Variants in POU2F1 observed in about 807,000 individuals in gnomAD.
POU2F1 encodes POU class 2 homeobox 1, also known as POU domain, class 2, transcription factor 1.
Under a neutral mutation model 84.9 loss-of-function variants are expected in POU2F1, and 16 were observed. The observed-to-expected ratio is 0.19, with a 90% CI of 0.13 to 0.29. POU2F1 has a LOEUF of 0.29. Ranked by LOEUF, POU2F1 falls within the 10% of genes least tolerant of loss-of-function variation. The pLI, the probability that POU2F1 is intolerant of heterozygous loss-of-function variation, is 1.00. For missense variants in POU2F1, 738 were observed against 942.6 expected (o/e 0.78, Z 2.84); for synonymous variants, 368 against 368.3 (o/e 1.00, Z 0.01).
At chr1:167,360,406 C>A (rs889833016) in intron 2 of POU2F1, among the ~76,000 whole-genome samples, 4 of 152,152 alleles carry the variant, frequency 2.6e-5, no homozygotes, top group African/African-American at 9.7e-5. Flanking sequence ...CAGTTTCATT[C>A]TTCTGCATAT....
intron 2 of POU2F1, among the ~76,000 whole-genome samples, chr1:167,353,824 A>T (rs1471810114): frequency 6.6e-6 from 1 of 152,216 alleles, no homozygotes; most frequent in Non-Finnish European, 1.5e-5. Flanking sequence ...ATAAAGTAGA[A>T]TGTTACCATT....
At chr1:167,258,552 T>C (rs751491822) in intron 1 of POU2F1, among the ~76,000 whole-genome samples, 2 of 152,132 alleles carry the variant, frequency 1.3e-5, no homozygotes, top group Non-Finnish European at 2.9e-5. Context: ...ATTATATAGA[T>C]ATATGTGTGT....
chr1:167,411,294 TC>T (rs1649949974), intron 13 of POU2F1, among the ~76,000 whole-genome samples: 1 of 152,254 alleles, frequency 6.6e-6, no homozygotes, highest in Admixed American at 6.5e-5. Context: ...CACCTCAGCC[TC>T]CCAAAGTGCT....
intron 1 of POU2F1, among the ~76,000 whole-genome samples, chr1:167,296,677 A>G (rs1307029344): frequency 6.6e-6 from 1 of 152,222 alleles, no homozygotes; most frequent in African/African-American, 2.4e-5. Flanking sequence ...GATTGAAACA[A>G]AAAATAGAAA....
rs934244991 is a variant in POU2F1 at position 167,423,200 on chromosome 1, T to C, written c.*7390T>C. On this transcript the variant is annotated 3_prime_UTR_variant, in exon 16 of 16. Transcript: ENST00000367866. ...GGAAAACCAAAAGATCTTCCCTTACTCTCCTATAAATGTTTTGTTCCAAAT... is the reference window on the plus strand; with the variant it reads ...GGAAAACCAAAAGATCTTCCCTTACCCTCCTATAAATGTTTTGTTCCAAAT... 3 of 152,178 alleles carry C rather than the reference T, an allele frequency of 2.0e-5. No homozygotes were observed. Among genetic ancestry groups the C allele is most frequent in the Non-Finnish European group, 4.4e-5 (3 of 68,036 alleles). 9.4% of individuals were successfully genotyped at this position (152,178 alleles called of 1,614,324 possible).
chr1:167,425,722 A>T lies in POU2F1; in HGVS notation c.*9912A>T, dbSNP rs1650914153. 1 of 152,328 alleles carries T rather than the reference A, an allele frequency of 6.6e-6. No homozygotes were observed. Among genetic ancestry groups the T allele is most frequent in the Non-Finnish European group, 1.5e-5 (1 of 68,170 alleles). The allele number at this position is 152,328 out of a possible 1,614,324, so 9.4% of individuals were successfully genotyped here. ...GATTGGCTGCTCTGCTGGGTGCTTT[A>T]ACCTCTGGGGCTGGGCGAATGCACG... On this transcript the variant is annotated 3_prime_UTR_variant, in exon 16 of 16. Coordinates refer to ENST00000367866, the MANE Select transcript of POU2F1 (RefSeq NM_002697.4).
At position 167,399,968 on chromosome 1, in the gene POU2F1, C is replaced by CTT. The variant is rs67562017; in HGVS notation, c.1449+631_1449+632dup. Among the ~76,000 whole-genome samples the CTT allele has an allele frequency of 3.4e-4, 21 of 61,376 alleles. 1 individual carries two copies. Among genetic ancestry groups the CTT allele is most frequent in the Non-Finnish European group, 4.6e-4 (17 of 36,576 alleles). 40.3% of individuals were successfully genotyped at this position (61,376 alleles called of 152,430 possible). On this transcript the variant is annotated intron_variant, in intron 12 of 15. Transcript: ENST00000367866. The stretch of plus-strand genomic sequence containing the variant: ...ACGGGTGTGAGCCACCATTCCCAGT[C>CTT]TTTTTTTTTTTTTTTTTTTTTTTTT...
At chr1:167,392,371 A>C (rs978183104) in intron 9 of POU2F1, among the ~76,000 whole-genome samples, 2 of 151,434 alleles carry the variant, frequency 1.3e-5, no homozygotes, top group Admixed American at 1.3e-4. Context: ...AAAAAAAAAG[A>C]AAGAAAGAAA....
chr1:167,388,014 CA>C (rs1395520173), intron 8 of POU2F1, among the ~76,000 whole-genome samples: 2 of 151,952 alleles, frequency 1.3e-5, no homozygotes, highest in Non-Finnish European at 2.9e-5. Flanking sequence ...AAAGCTCACC[CA>C]AATGACAATT....
intron 1 of POU2F1, among the ~76,000 whole-genome samples, chr1:167,241,033 T>G (rs975128964): frequency 1.3e-5 from 2 of 152,014 alleles, no homozygotes; most frequent in Non-Finnish European, 2.9e-5. Flanking sequence ...TCCCAGCTAC[T>G]CGGGAGGCTG....
intron 1 of POU2F1, among the ~76,000 whole-genome samples, chr1:167,223,450 G>C (rs1251388652): frequency 6.6e-6 from 1 of 152,122 alleles, no homozygotes; most frequent in Non-Finnish European, 1.5e-5. Flanking sequence ...GTGTGAGTGT[G>C]AGTGTGACTA....
chr1:167,234,553 G>A (rs1350963266), intron 1 of POU2F1, among the ~76,000 whole-genome samples: 3 of 152,098 alleles, frequency 2.0e-5, no homozygotes, highest in Non-Finnish European at 4.4e-5. Flanking sequence ...GCAACATAGC[G>A]AGACCTTCTC....
Position 167,417,033 on chromosome 1 carries a change from CTT to C in POU2F1, c.*1226_*1227del, listed in dbSNP as rs761616071. 1 of 152,284 alleles carries C rather than the reference CTT, an allele frequency of 6.6e-6. No homozygotes were observed. The highest frequency in any genetic ancestry group is 2.1e-4 in the South Asian group (1 of 4,826). The allele number at this position is 152,284 out of a possible 1,614,324, so 9.4% of individuals were successfully genotyped here. ...AAACTGACTTACTGAAATTGGGAAA[CTT>C]TTCCCTTCTTTTATTTTCTAAAGGA... On this transcript the variant is annotated 3_prime_UTR_variant, in exon 16 of 16. Transcript: ENST00000367866.
intron 15 of POU2F1, among the ~76,000 whole-genome samples, chr1:167,413,831 CTAAT>C (rs1227894059): frequency 1.3e-5 from 2 of 152,036 alleles, no homozygotes; most frequent in African/African-American, 2.4e-5. Context: ...AGAGACATCA[CTAAT>C]TAATTAGAAT....
rs968405930 is a variant in POU2F1, at chr1:167,426,687, C to T, written c.*10877C>T. The T allele has an allele frequency of 2.6e-5, 4 of 152,106 alleles. No homozygotes were observed. Among genetic ancestry groups the T allele is most frequent in the Non-Finnish European group, 5.9e-5 (4 of 68,014 alleles). 9.4% of individuals were successfully genotyped at this position (152,106 alleles called of 1,614,324 possible). A position where few individuals can be genotyped will look rare whatever the true frequency, so the allele number is the denominator to read the frequency against. ...AGGAGGGGCACAAGGGGAATTGGCC[C>T]CCGGCCTCCTAGAACTTTTTGTTTT... is the stretch of plus-strand genomic sequence containing the variant. On this transcript the variant is annotated 3_prime_UTR_variant, in exon 16 of 16. Coordinates refer to ENST00000367866, the MANE Select transcript of POU2F1 (RefSeq NM_002697.4).
chr1:167,398,867 T>A (rs919663833), intron 11 of POU2F1, among the ~76,000 whole-genome samples: 1 of 152,322 alleles, frequency 6.6e-6, no homozygotes, highest in East Asian at 1.9e-4. Context: ...TTAGATAGCA[T>A]GAAGCATGGA....
chr1:167,261,484 G>A (rs1002140866), intron 1 of POU2F1, among the ~76,000 whole-genome samples: 2 of 152,112 alleles, frequency 1.3e-5, no homozygotes, highest in Admixed American at 1.3e-4. Context: ...GCAAGATATA[G>A]GGATAGATAT....
At chr1:167,291,758 A>C (rs1379481634) in intron 1 of POU2F1, among the ~76,000 whole-genome samples, 1 of 152,208 alleles carries the variant, frequency 6.6e-6, no homozygotes, top group Admixed American at 6.5e-5. Context: ...ATATTGTTGA[A>C]GTTTTCCAAT....
At chr1:167,223,461 G>T (rs1177072823) in intron 1 of POU2F1, among the ~76,000 whole-genome samples, 2 of 151,686 alleles carry the variant, frequency 1.3e-5, no homozygotes, top group African/African-American at 4.9e-5. Flanking sequence ...AGTGTGACTA[G>T]TGTTGCCTGT....
Sources: gnomAD v4.1 joint callset for allele counts (sites outside exome capture counted in the v4.1 genomes callset) on GRCh38, gnomAD v4.1.1 for gene constraint, MANE v1.5 for transcripts, NCBI Gene and HGNC (gene_info 2026-07-23, HGNC 2026-07-21) for gene names.